The following BORA variants were observed in gnomAD, a reference collection of about 807,000 sequenced individuals.
The protein encoded by BORA is protein aurora borealis.
In BORA, 26 loss-of-function variants were observed where a neutral mutation model predicts 55.8. The observed-to-expected ratio is 0.47, with a 90% confidence interval of 0.34 to 0.65. The LOEUF is 0.65. BORA is among the 30% of genes least tolerant of loss of function. The pLI, the probability that BORA is intolerant of heterozygous loss-of-function variation, is 0.01. For synonymous variants in BORA, 201 were observed against 216.9 expected (o/e 0.93, Z 0.64); for missense variants, 568 against 671.5 (o/e 0.85, Z 1.70).
rs2033448162 is a variant in BORA at position 72,755,798 on chromosome 13, A to G, written c.*582A>G. The G allele has an allele frequency of 2.5e-6, 1 of 398,286 alleles. No homozygotes were observed. Among genetic ancestry groups the G allele is most frequent in the Non-Finnish European group, 4.4e-6 (1 of 226,038 alleles). The allele number at this position is 398,286 out of a possible 1,614,324, so 24.7% of individuals were successfully genotyped here. ...CTAGTTACTACTTTTAAGTATGTAA[A>G]TACTAGAAAGGTAGTACTAGTGACA... On this transcript the variant is annotated 3_prime_UTR_variant, in exon 12 of 12. Coordinates refer to ENST00000390667, the MANE Select transcript of BORA (RefSeq NM_024808.5).
At chr13:72,739,010 T>C (rs2032986496) in intron 5 of BORA, among the ~76,000 whole-genome samples, 1 of 152,222 alleles carries the variant, frequency 6.6e-6, no homozygotes, top group Non-Finnish European at 1.5e-5. Context: ...CAATAGTAGA[T>C]GGAAATCTGG....
At chr13:72,752,785 G>A (rs976443003) in intron 10 of BORA, 3 of 152,066 alleles carry the variant, frequency 2.0e-5, no homozygotes, top group Non-Finnish European at 2.9e-5. Flanking sequence ...GATAAAGAGT[G>A]CCGTTTCTAG....
chr13:72,729,952 C>T (rs566397170), intron 2 of BORA, among the ~76,000 whole-genome samples: 71 of 151,778 alleles, frequency 4.7e-4, no homozygotes, highest in Non-Finnish European at 9.1e-4. Flanking sequence ...AAGGCTTCAT[C>T]ACTTTATCTT....
chr13:72,735,598 GTTA>G (rs895518741), intron 4 of BORA, among the ~76,000 whole-genome samples: 2 of 151,910 alleles, frequency 1.3e-5, no homozygotes, highest in African/African-American at 4.8e-5. Context: ...TCTAAATAAG[GTTA>G]TTATTATTAT....
At chr13:72,744,870 TGGGAAAAAA>T in intron 7 of BORA, 102 bp from the exon 8 acceptor site, 1 of 992,818 alleles carries the variant, frequency 1.0e-6, no homozygotes, top group African/African-American at 1.6e-5. Context: ...GCCCTCTTTT[TGGGAAAAAA>T]TTCAAACATA....
chr13:72,728,003 C>T lies in BORA; in HGVS notation c.-20C>T. On this transcript the variant is annotated 5_prime_UTR_variant, in exon 1 of 12. Transcript: ENST00000390667. ...GGTACTGGGGGCTTCGTTTTGTACG[C>T]ACCGGTAGGTACGCTCTTTGTGGTC... 6.6e-7 allele frequency: 1 copy of T among 1,505,142 alleles called. No homozygotes were observed. Among genetic ancestry groups the T allele is most frequent in the African/African-American group, 1.5e-5 (1 of 65,860 alleles). 93.2% of individuals were successfully genotyped at this position (1,505,142 alleles called of 1,614,324 possible). A position where few individuals can be genotyped will look rare whatever the true frequency, so the allele number is the denominator to read the frequency against.
At chr13:72,730,148 T>C (rs2032781901) in intron 2 of BORA, among the ~76,000 whole-genome samples, 1 of 152,152 alleles carries the variant, frequency 6.6e-6, no homozygotes, top group African/African-American at 2.4e-5. Context: ...CTTTTGACCT[T>C]GGATCTTTCA....
intron 10 of BORA, 147 bp from the exon 11 acceptor site, chr13:72,753,543 A>G (rs919956628): frequency 3.9e-6 from 3 of 767,242 alleles, no homozygotes; most frequent in African/African-American, 3.5e-5. Flanking sequence ...ATATTTGTGC[A>G]TTACTTTTGA....
At chr13:72,753,372 T>C (rs1308681631) in intron 10 of BORA, 1 of 191,244 alleles carries the variant, frequency 5.2e-6, no homozygotes, top group African/African-American at 2.3e-5. Flanking sequence ...GTGAAGTTAG[T>C]TGTAATACTC....
intron 3 of BORA, among the ~76,000 whole-genome samples, chr13:72,734,125 A>G (rs2032871541): frequency 6.6e-6 from 1 of 152,186 alleles, no homozygotes; most frequent in Non-Finnish European, 1.5e-5. Context: ...TGATTAAATA[A>G]TCTGTACAAC....
At chr13:72,748,749 T>A (rs972535553) in intron 10 of BORA, among the ~76,000 whole-genome samples, 2 of 81,266 alleles carry the variant, frequency 2.5e-5, no homozygotes, top group African/African-American at 6.0e-5. Context: ...TCTCTCTCTC[T>A]CTCTCTCTCT....
At chr13:72,738,109 T>G (rs1370501605) in intron 5 of BORA, 66 bp downstream of exon 5, 1 of 1,152,978 alleles carries the variant, frequency 8.7e-7, no homozygotes, top group African/African-American at 1.5e-5. Context: ...CAACATATCA[T>G]GAAGTGCCAG....
chr13:72,749,160 T>C (rs992487786), intron 10 of BORA, among the ~76,000 whole-genome samples: 2 of 152,218 alleles, frequency 1.3e-5, no homozygotes, highest in African/African-American at 4.8e-5. Flanking sequence ...TCTCTCACAT[T>C]TGAGAGTTCA....
chr13:72,740,372 TGTTA>T (rs1416279207), intron 5 of BORA, among the ~76,000 whole-genome samples: 1 of 152,182 alleles, frequency 6.6e-6, no homozygotes, highest in Non-Finnish European at 1.5e-5. Context: ...CATGTTCACC[TGTTA>T]GTTGCCAAGT....
intron 10 of BORA, among the ~76,000 whole-genome samples, chr13:72,748,338 A>G (rs1390129532): frequency 2.0e-5 from 3 of 152,206 alleles, no homozygotes; most frequent in Admixed American, 6.5e-5. Context: ...TCTTTAATCC[A>G]AAAGTTAATA....
In BORA at chr13:72,755,675, T is replaced by G. The variant is rs1295114064; in HGVS notation, c.*459T>G. The G allele has an allele frequency of 5.1e-6, 2 of 391,364 alleles. No individual in the cohort carries two copies. Among genetic ancestry groups the G allele is most frequent in the African/African-American group, 4.1e-5 (2 of 48,476 alleles). The allele number at this position is 391,364 out of a possible 1,614,324, so 24.2% of individuals were successfully genotyped here. On this transcript the variant is annotated 3_prime_UTR_variant, in exon 12 of 12. Transcript: ENST00000390667. ...GAAATCTTAGATATAAAACTAACTTTTCAAAGATACAAAAGAAATTAAACA... is the reference window on the plus strand; with the variant it reads ...GAAATCTTAGATATAAAACTAACTTGTCAAAGATACAAAAGAAATTAAACA...
In BORA at chr13:72,755,810, T is replaced by C; in HGVS notation, c.*594T>C. ...TTTAAGTATGTAAATACTAGAAAGGTAGTACTAGTGACATCATCACGTGTA... is the reference window on the plus strand; with the variant it reads ...TTTAAGTATGTAAATACTAGAAAGGCAGTACTAGTGACATCATCACGTGTA... On this transcript the variant is annotated 3_prime_UTR_variant, in exon 12 of 12. Transcript: ENST00000390667. 2.5e-6 allele frequency: 1 copy of C among 398,542 alleles called. No homozygotes were observed. The highest frequency in any genetic ancestry group is 4.4e-6 in the Non-Finnish European group (1 of 226,080). The allele number at this position is 398,542 out of a possible 1,614,324, so 24.7% of individuals were successfully genotyped here. A position where few individuals can be genotyped will look rare whatever the true frequency, so the allele number is the denominator to read the frequency against.
Position 72,755,896 on chromosome 13 carries a change from G to C in BORA, c.*680G>C, listed in dbSNP as rs1454066693. The C allele has an allele frequency of 1.5e-5, 6 of 398,460 alleles. No individual in the cohort carries two copies. Among genetic ancestry groups the C allele is most frequent in the African/African-American group, 1.2e-4 (6 of 48,606 alleles). The allele number at this position is 398,460 out of a possible 1,614,324, so 24.7% of individuals were successfully genotyped here. On this transcript the variant is annotated 3_prime_UTR_variant, in exon 12 of 12. Coordinates refer to ENST00000390667, the MANE Select transcript of BORA (RefSeq NM_024808.5). ...TAAAATATACCTCATGCCTAGGGTAGGGACATCCTTTCCAGCTCAAACGTG... is the reference window on the plus strand; with the variant it reads ...TAAAATATACCTCATGCCTAGGGTACGGACATCCTTTCCAGCTCAAACGTG...
intron 9 of BORA, 76 bp from the exon 10 acceptor site, chr13:72,746,425 A>G: frequency 6.8e-7 from 1 of 1,471,768 alleles, no homozygotes; most frequent in Admixed American, 2.2e-5. Context: ...GGCATGAAAC[A>G]TGATTACCAT....
Sources: gnomAD v4.1 joint callset for allele counts (sites outside exome capture counted in the v4.1 genomes callset) on GRCh38, gnomAD v4.1.1 for gene constraint, MANE v1.5 for transcripts, NCBI Gene and HGNC (gene_info 2026-07-23, HGNC 2026-07-21) for gene names.